The following MCM6 variants were observed in gnomAD, a reference collection of about 807,000 sequenced individuals.
MCM6 encodes the protein DNA replication licensing factor MCM6.
Under a neutral mutation model 94.3 loss-of-function variants are expected in MCM6, and 46 were observed. The observed-to-expected ratio is 0.49, with a 90% confidence interval of 0.39 to 0.62. MCM6 has a LOEUF of 0.62. MCM6 is among the 20% of genes least tolerant of loss of function. The pLI is 0.00. For synonymous variants in MCM6, 335 were observed against 351.9 expected (o/e 0.95, Z 0.54); for missense variants, 865 against 1,017.9 (o/e 0.85, Z 2.04).
chr2:135,865,703 T>C (rs974139416), intron 6 of MCM6, among the ~76,000 whole-genome samples: 1 of 152,232 alleles, frequency 6.6e-6, no homozygotes, highest in Non-Finnish European at 1.5e-5. Context: ...TGAGCTTTTA[T>C]GTAAGACATC....
At chr2:135,852,652 GAAA>G in intron 12 of MCM6, 132 bp downstream of exon 12, 20 of 472,376 alleles carry the variant, frequency 4.2e-5, no homozygotes, top group South Asian at 1.1e-4. Flanking sequence ...TGCTGTTCCA[GAAA>G]AAAAAAAAAA....
Position 135,865,158 on chromosome 2 carries a change from C to T in MCM6, c.933G>A (p.Gly311=). The change falls in exon 7 of 17, where the codon GGG becomes GGA. Residue 311 remains glycine, a synonymous_variant. Transcript: ENST00000264156. ...CCVAPTNPRF[G]GKELRDEEQT... is the part of the protein sequence containing the mutation. ...GTTCCTCATCTCTGAGCTCTTTCCC[C>T]CCAAACTAATGGTAGAGAACAAAGG... is the stretch of plus-strand genomic sequence containing the variant. 6.6e-7 allele frequency: 1 copy of T among 1,518,616 alleles called. No individual in the cohort carries two copies. Among genetic ancestry groups the T allele is most frequent in the Non-Finnish European group, 8.8e-7 (1 of 1,135,148 alleles). 94.1% of individuals were successfully genotyped at this position (1,518,616 alleles called of 1,614,324 possible).
At chr2:135,868,587 T>C in intron 4 of MCM6, 24 bp downstream of exon 4, 1 of 1,610,386 alleles carries the variant, frequency 6.2e-7, no homozygotes, top group Non-Finnish European at 8.5e-7. Context: ...TGGACTCTGA[T>C]CTAAACAGAT....
At chr2:135,858,884 T>C (rs1168641404) in intron 9 of MCM6, among the ~76,000 whole-genome samples, 1 of 104,262 alleles carries the variant, frequency 9.6e-6, no homozygotes, top group East Asian at 2.3e-4. Flanking sequence ...TAAAGAATGC[T>C]GGGTTTTTTT....
intron 9 of MCM6, among the ~76,000 whole-genome samples, chr2:135,859,031 C>A (rs1282957572): frequency 6.6e-6 from 1 of 152,086 alleles, no homozygotes; most frequent in Non-Finnish European, 1.5e-5. Context: ...GCTGGGACCA[C>A]AAGCACCCGC....
intron 10 of MCM6, among the ~76,000 whole-genome samples, chr2:135,857,445 T>G (rs1053687207): frequency 5.3e-5 from 8 of 152,158 alleles, no homozygotes; most frequent in African/African-American, 1.9e-4. Flanking sequence ...TTGCTGGGAG[T>G]TGCAGGGAAA....
chr2:135,843,756 A>T (rs1679622235), intron 16 of MCM6, among the ~76,000 whole-genome samples: 1 of 150,742 alleles, frequency 6.6e-6, no homozygotes. Context: ...AAACAAAACC[A>T]TTCAGGGAAA....
intron 11 of MCM6, among the ~76,000 whole-genome samples, chr2:135,855,475 G>A (rs1022596655): frequency 2.0e-5 from 3 of 152,002 alleles, no homozygotes; most frequent in African/African-American, 7.3e-5. Flanking sequence ...AGACCAACAC[G>A]GGTCTTGAAC....
intron 4 of MCM6, among the ~76,000 whole-genome samples, chr2:135,867,830 T>A (rs997793790): frequency 1.4e-4 from 22 of 152,112 alleles, no homozygotes; most frequent in Non-Finnish European, 3.1e-4. Context: ...ATCGAGACCA[T>A]CCTGGTTTAA....
At chr2:135,851,004 C>T (rs1575359915) in intron 13 of MCM6, among the ~76,000 whole-genome samples, 1 of 152,300 alleles carries the variant, frequency 6.6e-6, no homozygotes, top group East Asian at 1.9e-4. Flanking sequence ...GAATGCAGGG[C>T]TCAAAGAACA....
At position 135,839,864 on chromosome 2, in the gene MCM6, T is replaced by C. The variant is rs531099702; in HGVS notation, c.*971A>G. ...GACATCAAGGCAAGTTGAGTACTCA[T>C]GGGTATTAGACTGTCCCACGTGGGC... On this transcript the variant is annotated 3_prime_UTR_variant, in exon 17 of 17. Coordinates refer to ENST00000264156, the MANE Select transcript of MCM6 (RefSeq NM_005915.6). 7 of 152,334 alleles carry C rather than the reference T, an allele frequency of 4.6e-5. No individual in the cohort carries two copies. The highest frequency in any genetic ancestry group is 1.9e-4 in the East Asian group (1 of 5,188). 9.4% of individuals were successfully genotyped at this position (152,334 alleles called of 1,614,324 possible). A position where few individuals can be genotyped will look rare whatever the true frequency, so the allele number is the denominator to read the frequency against.
At chr2:135,841,028 C>T in intron 16 of MCM6, 77 bp from the exon 17 acceptor site, 2 of 1,004,876 alleles carry the variant, frequency 2.0e-6, no homozygotes, top group Non-Finnish European at 3.1e-6. Flanking sequence ...CTTGACCCTT[C>T]TTCCGAGTGT....
In MCM6 at chr2:135,852,915, C is replaced by A; in HGVS notation, c.1627G>T (p.Val543Phe). ...FFILVDECNE[V>F]TDYAIARRIV... The stretch of plus-strand genomic sequence containing the variant: ...CGCCTGGCAATGGCATAATCTGTAA[C>A]CTAATTCAAAACAAAAAAATCACTT... Residue 543 changes from valine (V) to phenylalanine (F), a missense_variant and splice_region_variant, in exon 12 of 17, where the codon GTT becomes TTT. Physicochemically the swap from Val to Phe is conservative, Grantham distance 50. Around this residue, in one of 3 missense-constraint regions of MCM6, gnomAD observed 153 missense variants for 241.5 expected, o/e 0.63. Transcript: ENST00000264156. 2 of 1,590,196 alleles carry A rather than the reference C, an allele frequency of 1.3e-6. No individual in the cohort carries two copies. The highest frequency in any genetic ancestry group is 1.7e-6 in the Non-Finnish European group (2 of 1,171,552).
In MCM6 at chr2:135,866,148, G is replaced by A. The variant is rs150278316; in HGVS notation, c.911C>T (p.Ala304Val). Reference sequence around the variant, plus strand: ...ACGACTGACCCTTGGGTTGGTTGGCGCAACACAGCAGGCAAGAAAGACCAG... The same window carrying A: ...ACGACTGACCCTTGGGTTGGTTGGCACAACACAGCAGGCAAGAAAGACCAG... ...YRLVFLACCV[A>V]PTNPRFGGKE... is the part of the protein sequence containing the mutation. The change falls in exon 6 of 17, where the codon GCG becomes GTG. Residue 304 changes from alanine (A) to valine (V), a missense_variant. By Grantham distance (64) the Ala-to-Val change is moderately conservative. Around this residue, in one of 3 missense-constraint regions of MCM6, gnomAD observed 404 missense variants for 451.9 expected, o/e 0.89. Coordinates refer to ENST00000264156, the MANE Select transcript of MCM6 (RefSeq NM_005915.6). The A allele has an allele frequency of 1.2e-4, 186 of 1,613,974 alleles. No individual in the cohort carries two copies. Among genetic ancestry groups the A allele is most frequent in the East Asian group, 7.1e-4 (32 of 44,866 alleles).
chr2:135,852,550 T>C (rs1344257494), intron 12 of MCM6, among the ~76,000 whole-genome samples: 3 of 152,226 alleles, frequency 2.0e-5, no homozygotes, highest in African/African-American at 4.8e-5. Context: ...TCTTCTCCCA[T>C]ACAAATCTTT....
In MCM6 at chr2:135,866,190, C is replaced by T. The variant is rs1354223703; in HGVS notation, c.869G>A (p.Arg290Lys). The change falls in exon 6 of 17, where the codon AGG becomes AAG. Residue 290 changes from arginine (R) to lysine (K), a missense_variant. Coordinates refer to ENST00000264156, the MANE Select transcript of MCM6 (RefSeq NM_005915.6). Reference protein sequence around the residue: ...GIRGLRALGVRDLSYRLVFLA... With the variant: ...GIRGLRALGVKDLSYRLVFLA... ...AAAGACCAGCCTATAAGAAAGGTCCCTAACACCAAGGGCCCGGAGTCCTCG... is the reference window on the plus strand; with the variant it reads ...AAAGACCAGCCTATAAGAAAGGTCCTTAACACCAAGGGCCCGGAGTCCTCG... The T allele has an allele frequency of 6.8e-6, 11 of 1,614,190 alleles. No individual in the cohort carries two copies. The highest frequency in any genetic ancestry group is 9.3e-6 in the Non-Finnish European group (11 of 1,180,040).
chr2:135,866,510 T>C (rs552343028), intron 5 of MCM6, 53 bp downstream of exon 5: 7 of 1,551,286 alleles, frequency 4.5e-6, no homozygotes, highest in East Asian at 2.2e-5. Flanking sequence ...AGCTAGATAC[T>C]GTGCAGTTTA....
intron 7 of MCM6, 47 bp downstream of exon 7, chr2:135,864,966 C>A: frequency 7.7e-7 from 1 of 1,303,216 alleles, no homozygotes; most frequent in South Asian, 2.6e-5. Context: ...TGTTTATAAT[C>A]ATTATTTTGA....
intron 6 of MCM6, among the ~76,000 whole-genome samples, chr2:135,865,591 A>C (rs1680079220): frequency 6.6e-6 from 1 of 151,660 alleles, no homozygotes; most frequent in Non-Finnish European, 1.5e-5. Context: ...CAGATTACTA[A>C]ATCTTTTTAT....
Sources: allele counts gnomAD v4.1 joint callset (sites outside exome capture counted in the v4.1 genomes callset), GRCh38; gene constraint gnomAD v4.1.1; regional missense constraint gnomAD v4.1.1; transcripts MANE v1.5; gene names NCBI Gene and HGNC (gene_info 2026-07-23, HGNC 2026-07-21).